Variants in DDX60L observed in about 807,000 individuals in gnomAD.
The protein encoded by DDX60L is probable ATP-dependent RNA helicase DDX60-like.
DDX60L carries 191 observed loss-of-function variants against 211.6 expected under a neutral mutation model. The observed-to-expected ratio is 0.90, with a 90% confidence interval of 0.80 to 1.02. The LOEUF is 1.02. DDX60L is among the 50% of genes least tolerant of loss of function. The pLI is 0.00. For synonymous variants in DDX60L, 706 were observed against 694.1 expected (o/e 1.02, Z -0.27); for missense variants, 2,007 against 1,984.1 (o/e 1.01, Z -0.22).
rs140732577 is a variant in DDX60L, at chr4:168,414,916, T to C, written c.2979+492A>G. The stretch of plus-strand genomic sequence containing the variant: ...TGGTTAATGAGCACAAAAAAATAGA[T>C]AGAATAAATAAGATCTAGTATGTGA... On this transcript the variant is annotated intron_variant, in intron 22 of 37. Coordinates refer to ENST00000682922, the MANE Select transcript of DDX60L (RefSeq NM_001012967.3). 9.9e-3 allele frequency among the ~76,000 whole-genome samples: 1,502 copies of C among 151,050 alleles called. 10 individuals carry two copies. Among genetic ancestry groups the C allele is most frequent in the Admixed American group, 0.015 (224 of 15,078 alleles).
At position 168,416,675 on chromosome 4, in the gene DDX60L, T is replaced by C; in HGVS notation, c.2726+7A>G. 3 of 1,557,498 alleles carry C rather than the reference T, an allele frequency of 1.9e-6. No homozygotes were observed. The highest frequency in any genetic ancestry group is 1.7e-4 in the Middle Eastern group (1 of 5,844). On this transcript the variant is annotated splice_region_variant and intron_variant, in intron 20 of 37. Transcript: ENST00000682922. ...ATATAACAACCACTCTTTTTACCTA[T>C]ACCTACTTGGTGAGAAGATTTGGGT...
chr4:168,448,654 T>C lies in DDX60L; in HGVS notation c.1122A>G (p.Glu374=), dbSNP rs1372899548. 1.3e-6 allele frequency: 2 copies of C among 1,560,622 alleles called. No homozygotes were observed. Among genetic ancestry groups the C allele is most frequent in the Admixed American group, 1.8e-5 (1 of 55,560 alleles). Residue 374 remains glutamate, a synonymous_variant, in exon 9 of 38, where the codon GAA becomes GAG. Coordinates refer to ENST00000682922, the MANE Select transcript of DDX60L (RefSeq NM_001012967.3). ...QLLKNIAFYY[E]FESTQEPHLN... ...AGGTACTACCTTGAGTACTTTCAAA[T>C]TCATAGTAGAAGGCTATATTCTTTA...
At chr4:168,364,229 C>A (rs1739579993) in intron 36 of DDX60L, among the ~76,000 whole-genome samples, 1 of 151,952 alleles carries the variant, frequency 6.6e-6, no homozygotes, top group African/African-American at 2.4e-5. Flanking sequence ...ATATCCCATG[C>A]AAAGAGAAAT....
At chr4:168,427,345 T>A (rs1256767200) in intron 13 of DDX60L, 23 bp from the exon 14 acceptor site, 9 of 1,595,530 alleles carry the variant, frequency 5.6e-6, no homozygotes, top group African/African-American at 1.3e-5. Flanking sequence ...AAAAGGAACA[T>A]ATGAAACAAG....
intron 34 of DDX60L, 47 bp from the exon 35 acceptor site, chr4:168,373,855 A>G (rs1319842890): frequency 6.3e-7 from 1 of 1,588,884 alleles, no homozygotes; most frequent in African/African-American, 1.3e-5. Context: ...AATCAGCCCA[A>G]ATGTTAACCC....
intron 36 of DDX60L, among the ~76,000 whole-genome samples, chr4:168,371,024 C>T (rs921699463): frequency 5.9e-5 from 9 of 151,770 alleles, no homozygotes; most frequent in Non-Finnish European, 1.0e-4. Context: ...AGATCTTTTC[C>T]CTCCATGTCA....
chr4:168,423,895 C>T, intron 14 of DDX60L, 121 bp from the exon 15 acceptor site: 3 of 586,364 alleles, frequency 5.1e-6, no homozygotes, highest in Non-Finnish European at 8.3e-6. Context: ...TTTTACTTGA[C>T]TTTAAAGGAG....
intron 4 of DDX60L, among the ~76,000 whole-genome samples, chr4:168,464,081 TCTC>T (rs1757662675): frequency 1.3e-5 from 2 of 152,140 alleles, no homozygotes; most frequent in South Asian, 4.1e-4. Context: ...TTGAGGGAAG[TCTC>T]CTCCTACCTC....
intron 1 of DDX60L, among the ~76,000 whole-genome samples, chr4:168,475,616 A>C (rs1759368723): frequency 6.6e-6 from 1 of 151,758 alleles, no homozygotes; most frequent in Non-Finnish European, 1.5e-5. Context: ...GAAAAATGTT[A>C]GGAAAAGAGT....
At chr4:168,359,672 C>T (rs115382594) in intron 37 of DDX60L, among the ~76,000 whole-genome samples, 334 of 152,310 alleles carry the variant, frequency 2.2e-3, no homozygotes, top group African/African-American at 7.3e-3. Context: ...TCGTACTCAT[C>T]CTTAGAAACT....
At chr4:168,461,005 C>T (rs1322048970) in intron 5 of DDX60L, among the ~76,000 whole-genome samples, 5 of 152,192 alleles carry the variant, frequency 3.3e-5, no homozygotes, top group African/African-American at 1.2e-4. Flanking sequence ...GCCCCAGTAA[C>T]ACCCTGGGTG....
At chr4:168,474,188 C>A (rs1326353887) in intron 1 of DDX60L, among the ~76,000 whole-genome samples, 3 of 152,068 alleles carry the variant, frequency 2.0e-5, no homozygotes, top group African/African-American at 7.2e-5. Context: ...GACAGGATTG[C>A]TACAGACAGT....
At chr4:168,405,041 C>T (rs1747496942) in intron 24 of DDX60L, among the ~76,000 whole-genome samples, 1 of 151,480 alleles carries the variant, frequency 6.6e-6, no homozygotes, top group South Asian at 2.1e-4. Flanking sequence ...ATGAGTCTCC[C>T]TCTGTTGCCC....
At chr4:168,379,570 TGA>T (rs1742569267) in intron 31 of DDX60L, 66 bp from the exon 32 acceptor site, 12 of 1,288,418 alleles carry the variant, frequency 9.3e-6, no homozygotes. Context: ...AATACCAGTG[TGA>T]GTGACTGACA....
chr4:168,399,589 A>G (rs890302679), intron 26 of DDX60L, among the ~76,000 whole-genome samples: 1 of 152,360 alleles, frequency 6.6e-6, no homozygotes, highest in East Asian at 1.9e-4. Flanking sequence ...CTGTATTTCA[A>G]TAACATTGGA....
At chr4:168,400,280 G>A (rs1746566624) in intron 26 of DDX60L, among the ~76,000 whole-genome samples, 1 of 152,130 alleles carries the variant, frequency 6.6e-6, no homozygotes, top group Non-Finnish European at 1.5e-5. Context: ...TGGGCATCTA[G>A]GTTGATTCCA....
chr4:168,375,138 T>C (rs1741719923), intron 34 of DDX60L, among the ~76,000 whole-genome samples: 2 of 152,228 alleles, frequency 1.3e-5, no homozygotes, highest in Non-Finnish European at 2.9e-5. Flanking sequence ...TTATTTTTTT[T>C]CCTCCATTGC....
chr4:168,457,244 C>CAT (rs1221321924), intron 6 of DDX60L, among the ~76,000 whole-genome samples: 2 of 139,808 alleles, frequency 1.4e-5, no homozygotes, highest in South Asian at 4.7e-4. Flanking sequence ...ACACCAAAAA[C>CAT]ATATATATAA....
At chr4:168,383,545 C>T (rs1013950508) in intron 30 of DDX60L, among the ~76,000 whole-genome samples, 7 of 152,110 alleles carry the variant, frequency 4.6e-5, no homozygotes, top group African/African-American at 1.4e-4. Flanking sequence ...TGTTGAACTA[C>T]AAGGAATGAG....
Sources: allele counts gnomAD v4.1 joint callset (sites outside exome capture counted in the v4.1 genomes callset), GRCh38; gene constraint gnomAD v4.1.1; transcripts MANE v1.5; gene names NCBI Gene and HGNC (gene_info 2026-07-23, HGNC 2026-07-21).